The following SORCS2 variants were observed in gnomAD, a reference collection of about 807,000 sequenced individuals.
SORCS2 encodes VPS10 domain-containing receptor SorCS2.
In SORCS2, 100 loss-of-function variants were observed where a neutral mutation model predicts 141.6. That is an observed-to-expected ratio of 0.71 (90% CI 0.60 to 0.83). The LOEUF is 0.83. Among genes scored for constraint, SORCS2 ranks in the 40% least tolerant of loss-of-function variants. The pLI, the probability that SORCS2 is intolerant of heterozygous loss-of-function variation, is 0.00. For missense variants in SORCS2, 1,646 were observed against 1,560.2 expected (o/e 1.05, Z -0.93); for synonymous variants, 789 against 676.9 (o/e 1.17, Z -2.57).
At chr4:7,347,623 T>A (rs1310870089) in intron 1 of SORCS2, among the ~76,000 whole-genome samples, 1 of 152,172 alleles carries the variant, frequency 6.6e-6, no homozygotes, top group Non-Finnish European at 1.5e-5. Context: ...CCCACGCCTA[T>A]CTCCACTCCT....
intron 3 of SORCS2, among the ~76,000 whole-genome samples, chr4:7,566,274 G>T (rs915315833): frequency 6.6e-5 from 10 of 150,882 alleles, no homozygotes; most frequent in Admixed American, 3.9e-4. Flanking sequence ...AATGGTGATA[G>T]AGATGATGAT....
chr4:7,596,903 C>A (rs1717310129), intron 3 of SORCS2, among the ~76,000 whole-genome samples: 1 of 152,140 alleles, frequency 6.6e-6, no homozygotes, highest in South Asian at 2.1e-4. Flanking sequence ...ATGAAGGTCT[C>A]ACAGGAAATC....
chr4:7,740,053 C>T (rs941414014), intron 26 of SORCS2, 147 bp from the exon 27 acceptor site: 2 of 662,844 alleles, frequency 3.0e-6, no homozygotes, highest in African/African-American at 3.6e-5. Context: ...GCGGAGACCC[C>T]CTGCACCTGC....
chr4:7,326,558 A>G (rs1259058976), intron 1 of SORCS2, among the ~76,000 whole-genome samples: 1 of 151,982 alleles, frequency 6.6e-6, no homozygotes, highest in Non-Finnish European at 1.5e-5. Context: ...CCTGAACTGA[A>G]CATTGGGGAA....
chr4:7,277,055 C>G (rs1715548422), intron 1 of SORCS2, among the ~76,000 whole-genome samples: 1 of 143,952 alleles, frequency 6.9e-6, no homozygotes, highest in South Asian at 2.2e-4. Context: ...AGCCCCAGGA[C>G]AGGAGAAAGC....
chr4:7,412,511 C>G (rs867200330), intron 2 of SORCS2, among the ~76,000 whole-genome samples: 2 of 152,192 alleles, frequency 1.3e-5, no homozygotes, highest in African/African-American at 2.4e-5. Flanking sequence ...AAGATCGTCT[C>G]AGATGCTTTT....
At position 7,682,751 on chromosome 4, in the gene SORCS2, G is replaced by A. The variant is rs1426674095; in HGVS notation, c.1350G>A (p.Gly450=). 8 of 1,610,272 alleles carry A rather than the reference G, an allele frequency of 5.0e-6. No homozygotes were observed. Among genetic ancestry groups the A allele is most frequent in the Non-Finnish European group, 6.8e-6 (8 of 1,178,198 alleles). Residue 450 remains glycine, a synonymous_variant, in exon 10 of 27, where the codon GGG becomes GGA. Transcript: ENST00000507866. ...TTTTATTTTTGTCCCAGGTCAGAGG[G>A]GTGAAAGGAGTCTTCCTGGCAAACC... ...SVLIDILEVR[G]VKGVFLANQK...
chr4:7,713,890 C>G (rs183157969), intron 15 of SORCS2, among the ~76,000 whole-genome samples: 2 of 152,174 alleles, frequency 1.3e-5, no homozygotes, highest in African/African-American at 4.8e-5. Context: ...CCTGAGGACC[C>G]ACTGTGTGCC....
At chr4:7,474,649 G>C (rs1268478947) in intron 2 of SORCS2, among the ~76,000 whole-genome samples, 1 of 152,230 alleles carries the variant, frequency 6.6e-6, no homozygotes, top group Non-Finnish European at 1.5e-5. Context: ...TGGGAACAGA[G>C]TCAGCAGATG....
chr4:7,209,693 A>T (rs4689638), intron 1 of SORCS2, among the ~76,000 whole-genome samples: 136,146 of 148,644 alleles, frequency 0.92, 62,360 homozygotes, highest in East Asian at 1. Flanking sequence ...TTTTTTTTTT[A>T]ATCTTTTCAC....
At chr4:7,725,439 G>A (rs1471017601) in intron 20 of SORCS2, among the ~76,000 whole-genome samples, 152 bp downstream of exon 20, 1 of 152,194 alleles carries the variant, frequency 6.6e-6, no homozygotes, top group Non-Finnish European at 1.5e-5. Flanking sequence ...AGTTGAGAGG[G>A]GCACACCCTC....
intron 1 of SORCS2, among the ~76,000 whole-genome samples, chr4:7,276,548 T>G (rs1274564835): frequency 6.6e-6 from 1 of 152,140 alleles, no homozygotes; most frequent in Non-Finnish European, 1.5e-5. Context: ...GGCCCCCTTA[T>G]TGCTGCCGCT....
At chr4:7,227,880 G>A (rs1398550433) in intron 1 of SORCS2, among the ~76,000 whole-genome samples, 1 of 152,166 alleles carries the variant, frequency 6.6e-6, no homozygotes, top group Admixed American at 6.5e-5. Flanking sequence ...CTGGAGGTGC[G>A]GTGGGCTCAG....
At chr4:7,443,318 G>GC in intron 2 of SORCS2, among the ~76,000 whole-genome samples, 1 of 152,278 alleles carries the variant, frequency 6.6e-6, no homozygotes, top group East Asian at 1.9e-4. Flanking sequence ...GGAAGGGGAG[G>GC]CCACCTGTGG....
intron 3 of SORCS2, among the ~76,000 whole-genome samples, chr4:7,633,363 G>A (rs768596497): frequency 2.2e-4 from 33 of 152,122 alleles, no homozygotes; most frequent in African/African-American, 5.8e-4. Flanking sequence ...GGGTCATGCC[G>A]TCCTCTCTGC....
rs946507797 is a variant in SORCS2, at chr4:7,284,790, G to C, written c.480+91664G>C. Among the ~76,000 whole-genome samples, 6 of 152,112 alleles carry C rather than the reference G, an allele frequency of 3.9e-5. No homozygotes were observed. The East Asian group carries it at 1.2e-3, about 29-fold the overall frequency. ...GTAGAAATATTCTCTCACAGTCCAG[G>C]GGGCCAGAAGTCTAAAATTCAGGGG... is the stretch of plus-strand genomic sequence containing the variant. On this transcript the variant is annotated intron_variant, in intron 1 of 26. Transcript: ENST00000507866.
intron 2 of SORCS2, among the ~76,000 whole-genome samples, chr4:7,408,754 G>A (rs1315948759): frequency 6.6e-6 from 1 of 152,016 alleles, no homozygotes; most frequent in East Asian, 1.9e-4. Flanking sequence ...TGCTCTTTGA[G>A]GTAATTTTCT....
At chr4:7,575,170 T>A (rs1715668799) in intron 3 of SORCS2, among the ~76,000 whole-genome samples, 1 of 152,126 alleles carries the variant, frequency 6.6e-6, no homozygotes, top group Admixed American at 6.6e-5. Flanking sequence ...CAGATGAGAC[T>A]CTCCTCCTAC....
chr4:7,512,668 C>T (rs1732736835), intron 2 of SORCS2, among the ~76,000 whole-genome samples: 1 of 151,740 alleles, frequency 6.6e-6, no homozygotes, highest in Admixed American at 6.6e-5. Flanking sequence ...CCCACCATAC[C>T]CCTCCCCGCC....
Sources: allele counts gnomAD v4.1 joint callset (sites outside exome capture counted in the v4.1 genomes callset), GRCh38; gene constraint gnomAD v4.1.1; transcripts MANE v1.5; gene names NCBI Gene and HGNC (gene_info 2026-07-23, HGNC 2026-07-21).